Variants in ZMYND19 observed in about 807,000 individuals in gnomAD.
ZMYND19 encodes zinc finger MYND domain-containing protein 19.
A neutral mutation model predicts 32.0 loss-of-function variants in ZMYND19; 17 were observed. The observed-to-expected ratio is 0.53, with a 90% CI of 0.36 to 0.80. The LOEUF is 0.80. ZMYND19 is among the 30% of genes least tolerant of loss of function. The probability of loss-of-function intolerance (pLI) is 0.00; values close to 1 mark genes in which losing one functional copy is unlikely to be tolerated. For missense variants in ZMYND19, 250 were observed against 293.6 expected (o/e 0.85, Z 1.09); for synonymous variants, 124 against 113.6 (o/e 1.09, Z -0.58).
Position 137,582,549 on chromosome 9 carries a change from C to G in ZMYND19, c.678G>C (p.Glu226Asp), listed in dbSNP as rs766966939. The G allele has an allele frequency of 1.6e-5, 25 of 1,612,424 alleles. No individual in the cohort carries two copies. Among genetic ancestry groups the G allele is most frequent in the Non-Finnish European group, 2.1e-5 (25 of 1,179,932 alleles). ...TGTGTGGCTCCCCTGCCCGTCATCG[C>G]TCTGGCTCAAGCTCATGCTGGAAGG... The part of the protein sequence containing the change: ...KRPFQHELEP[E>D]R The change falls in exon 6 of 6, where the codon GAG becomes GAC. Residue 226 changes from glutamate to aspartate, a missense_variant. Glu to Asp is a conservative substitution (Grantham distance 45, BLOSUM62 2). Transcript: ENST00000298585.
chr9:137,582,308 A>T lies in ZMYND19; in HGVS notation c.*235T>A. On this transcript the variant is annotated 3_prime_UTR_variant, in exon 6 of 6. Transcript: ENST00000298585. The stretch of plus-strand genomic sequence containing the variant: ...CTGTACATGAGTTTACAAACATATT[A>T]ACATATAAATAATGAGAACCGTCCT... The T allele has an allele frequency of 2.0e-6, 1 of 495,978 alleles. No individual in the cohort carries two copies. The highest frequency in any genetic ancestry group is 2.0e-5 in the African/African-American group (1 of 51,224). The allele number at this position is 495,978 out of a possible 1,614,324, so 30.7% of individuals were successfully genotyped here.
Position 137,587,736 on chromosome 9 carries a change from G to A in ZMYND19, c.199C>T (p.Leu67Phe). ...ACCCACCACAGCAGCTCATGAAGGA[G>A]TCTCCCAGAGCCCCTTCCTCGGTTC... ...DKNRGRGSGR[L>F]LHELLWERHR... Residue 67 changes from leucine to phenylalanine, a missense_variant, in exon 3 of 6, where the codon CTC (leucine) becomes TTC (phenylalanine). Leu to Phe is a conservative substitution (Grantham distance 22). Around this residue, in one of 2 missense-constraint regions of ZMYND19, gnomAD observed 212 missense variants for 218.8 expected, o/e 0.97. Transcript: ENST00000298585. 6.2e-7 allele frequency: 1 copy of A among 1,614,102 alleles called. No homozygotes were observed. Among genetic ancestry groups the A allele is most frequent in the Non-Finnish European group, 8.5e-7 (1 of 1,180,010 alleles).
chr9:137,587,281 C>T, intron 3 of ZMYND19, 174 bp from the exon 4 acceptor site: 1 of 1,074,106 alleles, frequency 9.3e-7, no homozygotes, highest in Non-Finnish European at 1.3e-6. Flanking sequence ...TGAGAGAAAC[C>T]CAAGCACCTG....
rs1481947214 is a variant in ZMYND19, at chr9:137,587,092, C to G, written c.234G>C (p.Gly78=). Residue 78 remains glycine, a synonymous_variant, in exon 4 of 6, where the codon GGG becomes GGC. Coordinates refer to ENST00000298585, the MANE Select transcript of ZMYND19 (RefSeq NM_138462.3). ...LHELLWERHR[G]GVAPGFQVVH... ...CCACCTGGAAGCCCGGGGCCACGCC[C>G]CCCCGGTGCCGCTCCCTAGAAACAG... is the stretch of plus-strand genomic sequence containing the variant. 1 of 1,606,164 alleles carries G rather than the reference C, an allele frequency of 6.2e-7. No homozygotes were observed. Among genetic ancestry groups the G allele is most frequent in the Non-Finnish European group, 8.5e-7 (1 of 1,179,976 alleles).
At chr9:137,585,623 TGG>T (rs1037213105) in intron 4 of ZMYND19, among the ~76,000 whole-genome samples, 1 of 151,682 alleles carries the variant, frequency 6.6e-6, no homozygotes, top group Non-Finnish European at 1.5e-5. Context: ...GAGGAAGGGA[TGG>T]GGGGGGATTT....
At chr9:137,589,301 C>T (rs1842242336) in intron 1 of ZMYND19, 1 of 983,476 alleles carries the variant, frequency 1.0e-6, no homozygotes, top group Admixed American at 6.1e-5. Flanking sequence ...CCCAGCAGGC[C>T]CTGCCTATGC....
At chr9:137,589,369 G>C (rs1220076218) in intron 1 of ZMYND19, 9 of 985,448 alleles carry the variant, frequency 9.1e-6, no homozygotes, top group Non-Finnish European at 1.1e-5. Flanking sequence ...TCTCCCTCTT[G>C]GCAGTTTTTC....
chr9:137,585,831 A>C (rs1043999149), intron 4 of ZMYND19, among the ~76,000 whole-genome samples: 1 of 152,250 alleles, frequency 6.6e-6, no homozygotes, highest in Non-Finnish European at 1.5e-5. Flanking sequence ...ACCAAGCCCG[A>C]AACACTAAAC....
chr9:137,590,325 G>C lies in ZMYND19; in HGVS notation c.-62C>G. ...CTCGGGAGGCGCCGAGCGGGGGCCG[G>C]GGCGAGGCCGCGGCGCGCCGGGACA... On this transcript the variant is annotated 5_prime_UTR_variant, in exon 1 of 6. Coordinates refer to ENST00000298585, the MANE Select transcript of ZMYND19 (RefSeq NM_138462.3). The surrounding 1 kb of genome is among the most constrained non-coding windows in gnomAD (Gnocchi z 4.2). 1.0e-6 allele frequency: 1 copy of C among 992,040 alleles called. No individual in the cohort carries two copies. The allele number at this position is 992,040 out of a possible 1,614,324, so 61.5% of individuals were successfully genotyped here. A position where few individuals can be genotyped will look rare whatever the true frequency, so the allele number is the denominator to read the frequency against.
intron 4 of ZMYND19, among the ~76,000 whole-genome samples, chr9:137,585,360 C>T (rs560823542): frequency 1.2e-4 from 18 of 147,192 alleles, no homozygotes; most frequent in African/African-American, 4.3e-4. Flanking sequence ...GCAGAAGCTA[C>T]AGCGAGCCAA....
rs751144309 is a variant in ZMYND19 at position 137,582,541 on chromosome 9, C to T, written c.*2G>A. 36 of 1,611,572 alleles carry T rather than the reference C, an allele frequency of 2.2e-5. No homozygotes were observed. Among genetic ancestry groups the T allele is most frequent in the Admixed American group, 1.5e-4 (9 of 59,962 alleles). ...TGTGAGTATGTGTGGCTCCCCTGCC[C>T]GTCATCGCTCTGGCTCAAGCTCATG... On this transcript the variant is annotated 3_prime_UTR_variant, in exon 6 of 6. Transcript: ENST00000298585.
At chr9:137,589,027 C>T (rs1398096728) in intron 1 of ZMYND19, 1 of 345,276 alleles carries the variant, frequency 2.9e-6, no homozygotes, top group Non-Finnish European at 5.4e-6. Flanking sequence ...ACATTCAACG[C>T]ACCAATAAAC....
chr9:137,588,796 CAGGA>C, intron 1 of ZMYND19, 78 bp from the exon 2 acceptor site: 4 of 1,549,346 alleles, frequency 2.6e-6, no homozygotes, highest in Non-Finnish European at 3.6e-6. Context: ...CCAGAACAGG[CAGGA>C]GCCTGTTGCA....
In ZMYND19 at chr9:137,590,230, C is replaced by A; in HGVS notation, c.34G>T (p.Gly12Cys). Residue 12 changes from glycine to cysteine, a missense_variant, in exon 1 of 6, where the codon GGC becomes TGC. Physicochemically the swap from Gly to Cys is radical, Grantham distance 159 (BLOSUM62 -3). Coordinates refer to ENST00000298585, the MANE Select transcript of ZMYND19 (RefSeq NM_138462.3). This position sits in a 1 kb window ranked among gnomAD's most constrained non-coding sequence, Gnocchi z 4.2. Reference sequence around the variant, plus strand: ...CCGCTCACCTTCCCGGCCACCCGGCCGAGCCGCACGATACCCAATTTGAAG... The same window carrying A: ...CCGCTCACCTTCCCGGCCACCCGGCAGAGCCGCACGATACCCAATTTGAAG... ...TDFKLGIVRL[G>C]RVAGKTKYTL... The A allele has an allele frequency of 8.7e-7, 1 of 1,144,360 alleles. No homozygotes were observed. The highest frequency in any genetic ancestry group is 1.1e-6 in the Non-Finnish European group (1 of 916,836). The allele number at this position is 1,144,360 out of a possible 1,614,324, so 70.9% of individuals were successfully genotyped here. A position where few individuals can be genotyped will look rare whatever the true frequency, so the allele number is the denominator to read the frequency against.
chr9:137,589,043 CAA>C (rs2133303930), intron 1 of ZMYND19: 1 of 300,356 alleles, frequency 3.3e-6, no homozygotes, highest in South Asian at 6.1e-5. Flanking sequence ...TAAACCTAGG[CAA>C]AGACTGTTTC....
chr9:137,587,932 C>G, intron 2 of ZMYND19, 109 bp from the exon 3 acceptor site: 1 of 1,083,724 alleles, frequency 9.2e-7, no homozygotes, highest in Non-Finnish European at 1.4e-6. Context: ...GGGACAAATG[C>G]CAGCCCTGTC....
At position 137,590,461 on chromosome 9, in the gene ZMYND19, G is replaced by GCGCCGC. The variant is rs905828783; in HGVS notation, c.-204_-199dup. On this transcript the variant is annotated 5_prime_UTR_variant, in exon 1 of 6. Transcript: ENST00000298585. This position sits in a 1 kb window ranked among gnomAD's most constrained non-coding sequence, Gnocchi z 4.2. Reference sequence around the variant, plus strand: ...GCCTCGCGCCCGCCGGACCTGCCACGCGCCGCCGCCGCCGCCGCCACCGCC... The same window carrying GCGCCGC: ...GCCTCGCGCCCGCCGGACCTGCCACGCGCCGCCGCCGCCGCCGCCGCCGCCACCGCC... 298 of 176,440 alleles carry GCGCCGC rather than the reference G, an allele frequency of 1.7e-3. 1 individual carries two copies. Among genetic ancestry groups the GCGCCGC allele is most frequent in the African/African-American group, 6.3e-3 (259 of 41,226 alleles). 10.9% of individuals were successfully genotyped at this position (176,440 alleles called of 1,614,324 possible).
Position 137,582,577 on chromosome 9 carries a change from C to T in ZMYND19, c.650G>A (p.Arg217His), listed in dbSNP as rs375185037. Reference sequence around the variant, plus strand: ...TGGCTCAAGCTCATGCTGGAAGGGACGCTTCCTCTCCCGACAGTGCTTCTT... The same window carrying T: ...TGGCTCAAGCTCATGCTGGAAGGGATGCTTCCTCTCCCGACAGTGCTTCTT... ...AHKKHCRERK[R>H]PFQHELEPER The change falls in exon 6 of 6, where the codon CGT becomes CAT. Residue 217 changes from arginine to histidine, a missense_variant. Arg to His is a conservative substitution (Grantham distance 29). This residue lies in a region of ZMYND19 where 38 missense variants were observed against 74.9 expected (regional missense o/e 0.51). Transcript: ENST00000298585. 6 of 1,613,254 alleles carry T rather than the reference C, an allele frequency of 3.7e-6. No homozygotes were observed. Among genetic ancestry groups the T allele is most frequent in the East Asian group, 2.2e-5 (1 of 44,888 alleles).
chr9:137,588,200 C>T (rs1157090033), intron 2 of ZMYND19, among the ~76,000 whole-genome samples: 2 of 152,166 alleles, frequency 1.3e-5, no homozygotes, highest in Non-Finnish European at 2.9e-5. Flanking sequence ...CCAAGCTCAG[C>T]GGCAGGAATG....
Sources: allele counts gnomAD v4.1 joint callset (sites outside exome capture counted in the v4.1 genomes callset), GRCh38; gene constraint gnomAD v4.1.1; regional missense constraint gnomAD v4.1.1; non-coding constraint Gnocchi (gnomAD v3.1); transcripts MANE v1.5; gene names NCBI Gene and HGNC (gene_info 2026-07-23, HGNC 2026-07-21).